CSMD3: variants seen among roughly 807,000 people sequenced by gnomAD.
The protein encoded by CSMD3 is CUB and Sushi multiple domains 3, also known as CUB and sushi domain-containing protein 3.
A neutral mutation model predicts 435.2 loss-of-function variants in CSMD3; 177 were observed. The ratio of observed to expected loss-of-function variants is 0.41; its 90% CI spans 0.36 to 0.46. CSMD3 has a LOEUF of 0.46. CSMD3 is among the 20% of genes least tolerant of loss of function. The pLI is 0.34. For synonymous variants in CSMD3, 1,656 were observed against 1,520.5 expected (o/e 1.09, Z -2.07); for missense variants, 4,265 against 4,504.6 (o/e 0.95, Z 1.52).
chr8:112,673,553 T>C (rs1362934363), intron 16 of CSMD3, among the ~76,000 whole-genome samples: 1 of 152,162 alleles, frequency 6.6e-6, no homozygotes, highest in African/African-American at 2.4e-5. Flanking sequence ...TATCTGTTTA[T>C]AAGAACCACA....
chr8:112,680,135 A>G (rs2075856205), intron 16 of CSMD3, among the ~76,000 whole-genome samples: 1 of 152,162 alleles, frequency 6.6e-6, no homozygotes, highest in African/African-American at 2.4e-5. Context: ...CAGGCGGATG[A>G]CCTGAGGTCA....
intron 4 of CSMD3, among the ~76,000 whole-genome samples, chr8:113,129,656 AG>A (rs1371772852): frequency 1.3e-5 from 2 of 152,184 alleles, no homozygotes; most frequent in Non-Finnish European, 2.9e-5. Flanking sequence ...GTAAAATCAC[AG>A]GACACTGTGA....
intron 32 of CSMD3, among the ~76,000 whole-genome samples, chr8:112,424,978 C>T (rs571472601): frequency 1.3e-5 from 2 of 152,218 alleles, no homozygotes; most frequent in Admixed American, 1.3e-4. Flanking sequence ...GCATGAGCCA[C>T]CGCGCTTGAC....
intron 6 of CSMD3, among the ~76,000 whole-genome samples, chr8:112,976,899 C>T (rs774778986): frequency 4.6e-5 from 7 of 151,888 alleles, no homozygotes; most frequent in African/African-American, 7.2e-5. Context: ...ATTCACACAA[C>T]GCTAGTTTTA....
intron 29 of CSMD3, 88 bp from the exon 30 acceptor site, chr8:112,504,065 A>C (rs1013106595): frequency 1.2e-6 from 1 of 807,254 alleles, no homozygotes; most frequent in Non-Finnish European, 2.0e-6. Context: ...ATATAATCAA[A>C]CATTAATTCA....
At chr8:113,184,166 A>T (rs1410979892) in intron 3 of CSMD3, among the ~76,000 whole-genome samples, 1 of 151,968 alleles carries the variant, frequency 6.6e-6, no homozygotes, top group Non-Finnish European at 1.5e-5. Flanking sequence ...AGATGAAGAG[A>T]TGCATAAGGT....
At chr8:113,295,346 T>C (rs1345732895) in intron 2 of CSMD3, among the ~76,000 whole-genome samples, 4 of 152,160 alleles carry the variant, frequency 2.6e-5, no homozygotes, top group Admixed American at 2.6e-4. Flanking sequence ...ATTCATGTTC[T>C]TTCTACTAAT....
chr8:112,928,834 C>G (rs1051627118), intron 9 of CSMD3, among the ~76,000 whole-genome samples: 2 of 148,920 alleles, frequency 1.3e-5, no homozygotes, highest in African/African-American at 4.9e-5. Context: ...AATGGTATTT[C>G]TAGTTCTAGA....
intron 10 of CSMD3, among the ~76,000 whole-genome samples, chr8:112,866,970 G>C (rs1444893514): frequency 6.6e-6 from 1 of 152,130 alleles, no homozygotes; most frequent in African/African-American, 2.4e-5. Flanking sequence ...GACGAAGAGA[G>C]ATGTACCAAC....
intron 13 of CSMD3, among the ~76,000 whole-genome samples, chr8:112,770,643 A>C (rs1431849241): frequency 6.6e-6 from 1 of 152,004 alleles, no homozygotes; most frequent in Non-Finnish European, 1.5e-5. Context: ...TATGATTGTT[A>C]CTCAATTACG....
At chr8:112,764,562 G>A (rs1222224656) in intron 13 of CSMD3, among the ~76,000 whole-genome samples, 1 of 150,250 alleles carries the variant, frequency 6.7e-6, no homozygotes, top group Non-Finnish European at 1.5e-5. Context: ...AGTGTACACA[G>A]TTCAAAAACT....
intron 4 of CSMD3, among the ~76,000 whole-genome samples, chr8:113,120,992 T>A (rs182413500): frequency 4.6e-5 from 7 of 152,138 alleles, no homozygotes; most frequent in Non-Finnish European, 7.4e-5. Flanking sequence ...TTAGCATCCA[T>A]CCAAATGTCA....
At chr8:113,036,942 G>A (rs1390860090) in intron 5 of CSMD3, among the ~76,000 whole-genome samples, 1 of 151,940 alleles carries the variant, frequency 6.6e-6, no homozygotes, top group Non-Finnish European at 1.5e-5. Context: ...TATTTTGCAG[G>A]TTGATATTAG....
Position 112,223,119 on chromosome 8 carries a change from T to C in CSMD3, c.*1652A>G, listed in dbSNP as rs1563650763. ...TTAAATGTATTAGCCTTAACATTAA[T>C]GAATGAATCATTGTTATTGCAGTCA... On this transcript the variant is annotated 3_prime_UTR_variant, in exon 71 of 71. Transcript: ENST00000297405. The C allele has an allele frequency of 1.5e-5, 6 of 398,356 alleles. No homozygotes were observed. Among genetic ancestry groups the C allele is most frequent in the Non-Finnish European group, 2.7e-5 (6 of 225,718 alleles). 24.7% of individuals were successfully genotyped at this position (398,356 alleles called of 1,614,324 possible). A position where few individuals can be genotyped will look rare whatever the true frequency, so the allele number is the denominator to read the frequency against.
chr8:112,241,645 C>A, intron 66 of CSMD3, 75 bp downstream of exon 66: 2 of 943,000 alleles, frequency 2.1e-6, no homozygotes, highest in Admixed American at 3.5e-5. Context: ...TTTAAATACA[C>A]AGTTACTATG....
At chr8:112,570,314 C>A (rs745733612) in intron 24 of CSMD3, among the ~76,000 whole-genome samples, 27 of 152,062 alleles carry the variant, frequency 1.8e-4, no homozygotes, top group Non-Finnish European at 3.7e-4. Context: ...AGGAAAATAG[C>A]GTGTTGAAGA....
At chr8:112,386,521 A>G (rs981884730) in intron 36 of CSMD3, among the ~76,000 whole-genome samples, 3 of 151,934 alleles carry the variant, frequency 2.0e-5, no homozygotes, top group Non-Finnish European at 2.9e-5. Context: ...TTTTTTAGAC[A>G]GAGTCTCGCT....
At chr8:112,325,174 T>C (rs1204170227) in intron 45 of CSMD3, among the ~76,000 whole-genome samples, 1 of 152,160 alleles carries the variant, frequency 6.6e-6, no homozygotes, top group African/African-American at 2.4e-5. Flanking sequence ...TAATACTAAA[T>C]TTCAAAAAAT....
intron 1 of CSMD3, among the ~76,000 whole-genome samples, chr8:113,355,810 TTATC>T (rs36197537): frequency 0.35 from 43,016 of 124,234 alleles, 8,926 homozygotes; most frequent in Non-Finnish European, 0.48. Flanking sequence ...AACTATACAT[TTATC>T]TATCAACCAA....
Sources: allele counts gnomAD v4.1 joint callset (sites outside exome capture counted in the v4.1 genomes callset), GRCh38; gene constraint gnomAD v4.1.1; transcripts MANE v1.5; gene names NCBI Gene and HGNC (gene_info 2026-07-23, HGNC 2026-07-21).